SLC22A17: variants seen among roughly 807,000 people sequenced by gnomAD.
The protein encoded by SLC22A17 is 24p3 receptor.
A neutral mutation model predicts 53.6 loss-of-function variants in SLC22A17; 38 were observed. The ratio of observed to expected loss-of-function variants is 0.71; its 90% confidence interval spans 0.55 to 0.93. SLC22A17 has a LOEUF of 0.93. SLC22A17 is among the 40% of genes least tolerant of loss of function. The pLI, the probability that SLC22A17 is intolerant of heterozygous loss-of-function variation, is 0.00. For synonymous variants in SLC22A17, 379 were observed against 353.0 expected, an observed-to-expected ratio of 1.07 and a Z score of -0.82; for missense variants, 704 against 791.0, an observed-to-expected ratio of 0.89 and a Z score of 1.32.
rs749372622 is a variant in SLC22A17 at position 23,347,563 on chromosome 14, G to A, written c.1446C>T (p.Ser482=). 4 of 1,614,072 alleles carry A rather than the reference G, an allele frequency of 2.5e-6. No individual in the cohort carries two copies. Among genetic ancestry groups the A allele is most frequent in the Non-Finnish European group, 3.4e-6 (4 of 1,179,988 alleles). ...GGGAAGCAATGCCGGTAAGGGTCAT[G>A]GAGAGAAGAAGGATGCCCCGGCGGC... The change falls in exon 8 of 10, where the codon TCC becomes TCT. Residue 482 remains serine, a synonymous_variant. Transcript: ENST00000397267. This position sits in a 1 kb window ranked among gnomAD's most constrained non-coding sequence, Gnocchi z 5.1.
At position 23,348,686 on chromosome 14, in the gene SLC22A17, G is replaced by T; in HGVS notation, c.860-15C>A. 1 of 1,596,924 alleles carries T rather than the reference G, an allele frequency of 6.3e-7. No individual in the cohort carries two copies. The highest frequency in any genetic ancestry group is 8.5e-7 in the Non-Finnish European group (1 of 1,172,052). Reference sequence around the variant, plus strand: ...CAGCTCCAGGCCTGGAGATACAGCAGGGGTGGAGAGAGGAGAGGGAGGCCA... The same window carrying T: ...CAGCTCCAGGCCTGGAGATACAGCATGGGTGGAGAGAGGAGAGGGAGGCCA... On this transcript the variant is annotated splice_polypyrimidine_tract_variant and intron_variant, in intron 4 of 9. Transcript: ENST00000397267. This position sits in a 1 kb window ranked among gnomAD's most constrained non-coding sequence, Gnocchi z 4.5.
chr14:23,347,153 C>T lies in SLC22A17; in HGVS notation c.1609G>A (p.Ala537Thr). ...GCAAGGAGGGTGCTGAGGATGGCGG[C>T]AGCTTGGGAGGAGAAGAGCCCAAGG... Residue 537 changes from alanine (A) to threonine (T), a missense_variant, in exon 9 of 10, where the codon GCC becomes ACC. By Grantham distance (58) the Ala-to-Thr change is moderately conservative (BLOSUM62 0). Coordinates refer to ENST00000397267, the Ensembl canonical transcript of SLC22A17. The surrounding 1 kb of genome is among the most constrained non-coding windows in gnomAD (Gnocchi z 5.1). 1.2e-6 allele frequency: 2 copies of T among 1,613,942 alleles called. No homozygotes were observed.
At chr14:23,346,898 A>G (rs746835145) in exon 10 of SLC22A17, 13 of 1,538,850 alleles carry the variant, frequency 8.4e-6, no homozygotes, top group Non-Finnish European at 1.1e-5. Flanking sequence ...CAGTCCTCCA[A>G]GCGCCCCTAG....
intron 3 of SLC22A17, among the ~76,000 whole-genome samples, chr14:23,350,662 T>G (rs1321862374): frequency 2.0e-5 from 3 of 152,216 alleles, no homozygotes; most frequent in African/African-American, 7.2e-5. Flanking sequence ...GGGGCATTTT[T>G]CCATGAGGAT....
intron 3 of SLC22A17, among the ~76,000 whole-genome samples, chr14:23,350,294 A>T (rs1016791680): frequency 6.6e-6 from 1 of 152,048 alleles, no homozygotes; most frequent in African/African-American, 2.4e-5. Flanking sequence ...ACAGAGCGAG[A>T]CTCCATCTCA....
In SLC22A17 at chr14:23,352,178, G is replaced by A; in HGVS notation, c.370C>T (p.Leu124=). The change falls in exon 2 of 10, where the codon CTG becomes TTG. Residue 124 remains leucine, a synonymous_variant. Transcript: ENST00000397267. The surrounding 1 kb of genome is among the most constrained non-coding windows in gnomAD (Gnocchi z 7.2). Reference sequence around the variant, plus strand: ...GGGAAGGCCCCGTAGTGGCAATGCAGCGGGGGCGCCAGCGTGAAGATGGGG... The same window carrying A: ...GGGAAGGCCCCGTAGTGGCAATGCAACGGGGGCGCCAGCGTGAAGATGGGG... 1 of 1,523,556 alleles carries A rather than the reference G, an allele frequency of 6.6e-7. No individual in the cohort carries two copies. The highest frequency in any genetic ancestry group is 8.8e-7 in the Non-Finnish European group (1 of 1,139,920). 94.4% of individuals were successfully genotyped at this position (1,523,556 alleles called of 1,614,324 possible).
chr14:23,348,929 G>A lies in SLC22A17; in HGVS notation c.860-258C>T. ...GAGTGTTCAACATTTCCAATTTATA[G>A]GCCCTTTCCCATCAGGCCTCTTATT... On this transcript the variant is annotated intron_variant, in intron 4 of 9. Coordinates refer to ENST00000397267, the Ensembl canonical transcript of SLC22A17. The surrounding 1 kb of genome is among the most constrained non-coding windows in gnomAD (Gnocchi z 4.5). The A allele has an allele frequency of 5.0e-6, 3 of 595,112 alleles. No homozygotes were observed. Among genetic ancestry groups the A allele is most frequent in the Non-Finnish European group, 8.9e-6 (3 of 336,444 alleles). 36.9% of individuals were successfully genotyped at this position (595,112 alleles called of 1,614,324 possible).
At position 23,352,731 on chromosome 14, in the gene SLC22A17, C is replaced by A; in HGVS notation, c.11G>T (p.Arg4Leu). 2.5e-6 allele frequency: 1 copy of A among 399,110 alleles called. No individual in the cohort carries two copies. The highest frequency in any genetic ancestry group is 1.3e-4 in the South Asian group (1 of 7,864). The allele number at this position is 399,110 out of a possible 1,614,324, so 24.7% of individuals were successfully genotyped here. Reference sequence around the variant, plus strand: ...GGGCTCGGGGGTCCCGGTGGCCACCCGGGGAGCCAGCTTGCCGACCGCAGG... The same window carrying A: ...GGGCTCGGGGGTCCCGGTGGCCACCAGGGGAGCCAGCTTGCCGACCGCAGG... The change falls in exon 1 of 10, where the codon CGG (arginine) becomes CTG (leucine). Residue 4 changes from arginine to leucine, a missense_variant. Physicochemically the swap from Arg to Leu is moderately radical, Grantham distance 102. Coordinates refer to ENST00000397267, the Ensembl canonical transcript of SLC22A17. This position sits in a 1 kb window ranked among gnomAD's most constrained non-coding sequence, Gnocchi z 7.2.
At position 23,348,758 on chromosome 14, in the gene SLC22A17, G is replaced by C; in HGVS notation, c.860-87C>G. On this transcript the variant is annotated intron_variant, in intron 4 of 9. Transcript: ENST00000397267. This position sits in a 1 kb window ranked among gnomAD's most constrained non-coding sequence, Gnocchi z 4.5. ...AGAAGAAGAAAGAGGGAGGGAGGAG[G>C]ACAGAGAGAGAGGTCAGACCCAGAG... The C allele has an allele frequency of 6.0e-6, 8 of 1,337,852 alleles. No homozygotes were observed. Among genetic ancestry groups the C allele is most frequent in the Non-Finnish European group, 8.1e-6 (8 of 992,064 alleles). 82.9% of individuals were successfully genotyped at this position (1,337,852 alleles called of 1,614,324 possible).
In SLC22A17 at chr14:23,348,444, C is replaced by G. The variant is rs1595008297; in HGVS notation, c.1025+62G>C. ...TTGGAGAAGAGGAGGGGTCTCCGGG[C>G]TAGGGCTAGTTTGGAGGCAGAGATG... On this transcript the variant is annotated intron_variant, in intron 5 of 9. Coordinates refer to ENST00000397267, the Ensembl canonical transcript of SLC22A17. This position sits in a 1 kb window ranked among gnomAD's most constrained non-coding sequence, Gnocchi z 4.5. 1 of 1,591,674 alleles carries G rather than the reference C, an allele frequency of 6.3e-7. No homozygotes were observed. The highest frequency in any genetic ancestry group is 1.3e-5 in the African/African-American group (1 of 74,710).
At chr14:23,346,398 G>A (rs982237181) in exon 10 of SLC22A17, 12 of 450,482 alleles carry the variant, frequency 2.7e-5, no homozygotes, top group East Asian at 2.4e-4. Context: ...GTCTTTGGGC[G>A]CAGGATGGAG....
Position 23,352,323 on chromosome 14 carries a change from TG to T in SLC22A17, c.224del (p.Pro75GlnfsTer80). 7.9e-7 allele frequency: 1 copy of T among 1,268,860 alleles called. No homozygotes were observed. The highest frequency in any genetic ancestry group is 1.6e-5 in the African/African-American group (1 of 63,000). 78.6% of individuals were successfully genotyped at this position (1,268,860 alleles called of 1,614,324 possible). On this transcript the variant is annotated frameshift_variant, in exon 2 of 10. Transcript: ENST00000397267. LOFTEE classifies it high-confidence loss of function. The surrounding 1 kb of genome is among the most constrained non-coding windows in gnomAD (Gnocchi z 7.2). ...GCAGCGCCTCAAAGCTGAGGGGGCC[TG>T]GGGGCACGGCCAGCGACAGGCTGCT...
chr14:23,349,214 G>A (rs1368004776), intron 4 of SLC22A17, 58 bp downstream of exon 4: 12 of 1,602,430 alleles, frequency 7.5e-6, no homozygotes, highest in East Asian at 4.5e-5. Flanking sequence ...ATGGCCTGGC[G>A]ATGCAGGCAG....
At position 23,352,121 on chromosome 14, in the gene SLC22A17, T is replaced by C. The variant is rs1260535789; in HGVS notation, c.427A>G (p.Asn143Asp). 1.0e-5 allele frequency: 16 copies of C among 1,580,962 alleles called. No homozygotes were observed. The highest frequency in any genetic ancestry group is 1.3e-5 in the Non-Finnish European group (15 of 1,165,266). The change falls in exon 2 of 10, where the codon AAT becomes GAT. Residue 143 changes from asparagine to aspartate, a missense_variant. Asn to Asp is a conservative substitution (Grantham distance 23). This residue lies in a region of SLC22A17 where 435 missense variants were observed against 529.0 expected (regional missense o/e 0.82). Coordinates refer to ENST00000397267, the Ensembl canonical transcript of SLC22A17. This position sits in a 1 kb window ranked among gnomAD's most constrained non-coding sequence, Gnocchi z 7.2. ...CTGGCGACGCTGACGCCGCTGGCAT[T>C]GGGAGGCTGCTCCCAGCCAGAGGCA... is the stretch of plus-strand genomic sequence containing the variant.
Position 23,352,365 on chromosome 14 carries a change from G to A in SLC22A17, c.183C>T (p.Gly61=), listed in dbSNP as rs1889696206. The A allele has an allele frequency of 2.4e-6, 2 of 846,816 alleles. No homozygotes were observed. Among genetic ancestry groups the A allele is most frequent in the Non-Finnish European group, 3.3e-6 (2 of 603,048 alleles). 52.5% of individuals were successfully genotyped at this position (846,816 alleles called of 1,614,324 possible). ...ACAGGCTGCTGCCCAGTCCGTCGCC[G>A]CCCGCGTCTCCCTCCCCCTCCCGCT... The change falls in exon 2 of 10, where the codon GGC becomes GGT. Residue 61 remains glycine (G), a synonymous_variant. Transcript: ENST00000397267. This position sits in a 1 kb window ranked among gnomAD's most constrained non-coding sequence, Gnocchi z 7.2.
chr14:23,346,444 C>T, exon 10 of SLC22A17: 1 of 619,746 alleles, frequency 1.6e-6, no homozygotes, highest in Non-Finnish European at 2.7e-6. Context: ...AGCTCTCTCC[C>T]TGTCCCCTGA....
intron 2 of SLC22A17, 29 bp from the exon 3 acceptor site, chr14:23,351,884 G>A: frequency 2.5e-6 from 4 of 1,611,598 alleles, no homozygotes; most frequent in African/African-American, 1.3e-5. Context: ...TGCAGCGGGC[G>A]TGAGGCCCCG....
chr14:23,347,278 T>G lies in SLC22A17; in HGVS notation c.1550-66A>C. ...GTCAAGGCTGGCCTAGTCCCGGGTG[T>G]CATCCCCTTGGCTCTCTGTTCCCAT... is the stretch of plus-strand genomic sequence containing the variant. On this transcript the variant is annotated intron_variant, in intron 8 of 9. Coordinates refer to ENST00000397267, the Ensembl canonical transcript of SLC22A17. The surrounding 1 kb of genome is among the most constrained non-coding windows in gnomAD (Gnocchi z 5.1). The G allele has an allele frequency of 1.3e-6, 2 of 1,508,168 alleles. No individual in the cohort carries two copies. Among genetic ancestry groups the G allele is most frequent in the Non-Finnish European group, 1.8e-6 (2 of 1,107,402 alleles). The allele number at this position is 1,508,168 out of a possible 1,614,324, so 93.4% of individuals were successfully genotyped here.
In SLC22A17 at chr14:23,352,109, C is replaced by A. The variant is rs755648828; in HGVS notation, c.439G>T (p.Val147Phe). The change falls in exon 2 of 10, where the codon GTC (valine) becomes TTC (phenylalanine). Residue 147 changes from valine (V) to phenylalanine (F), a missense_variant. Val to Phe is a conservative substitution (Grantham distance 50). Coordinates refer to ENST00000397267, the Ensembl canonical transcript of SLC22A17. This position sits in a 1 kb window ranked among gnomAD's most constrained non-coding sequence, Gnocchi z 7.2. ...GCTAGGGCAGCGCTGGCGACGCTGA[C>A]GCCGCTGGCATTGGGAGGCTGCTCC... The A allele has an allele frequency of 2.1e-5, 33 of 1,582,852 alleles. No homozygotes were observed. Among genetic ancestry groups the A allele is most frequent in the Non-Finnish European group, 2.7e-5 (31 of 1,165,958 alleles).
Sources: gnomAD v4.1 joint callset for allele counts (sites outside exome capture counted in the v4.1 genomes callset) on GRCh38, gnomAD v4.1.1 for gene constraint, gnomAD v4.1.1 regional missense constraint, Gnocchi (gnomAD v3.1) non-coding constraint, MANE v1.5 for transcripts, NCBI Gene and HGNC (gene_info 2026-07-23, HGNC 2026-07-21) for gene names.